The following TMEM132C variants were observed in gnomAD, a reference collection of about 807,000 sequenced individuals.
The protein encoded by TMEM132C is protein phosphatase 1, regulatory subunit 152.
A neutral mutation model predicts 61.4 loss-of-function variants in TMEM132C; 29 were observed. The observed-to-expected ratio is 0.47, with a 90% CI of 0.35 to 0.64. The LOEUF (loss-of-function observed/expected upper bound fraction) is 0.64, where lower values mean the gene tolerates loss of function less well. TMEM132C is among the 30% of genes least tolerant of loss of function. TMEM132C has a pLI of 0.00. For missense variants in TMEM132C, 1,408 were observed against 1,476.9 expected (o/e 0.95, Z 0.76); for synonymous variants, 656 against 633.1 (o/e 1.04, Z -0.54).
intron 1 of TMEM132C, among the ~76,000 whole-genome samples, chr12:128,403,204 GAATGTTAATA>G (rs1182883980): frequency 2.0e-5 from 3 of 152,184 alleles, no homozygotes. Context: ...TGTGTCTGGG[GAATGTTAATA>G]AATCACCAAT....
intron 3 of TMEM132C, among the ~76,000 whole-genome samples, chr12:128,605,899 T>C (rs1015006401): frequency 6.6e-6 from 1 of 152,242 alleles, no homozygotes; most frequent in Non-Finnish European, 1.5e-5. Flanking sequence ...CCATGCACCC[T>C]AGTTCCTTCT....
At chr12:128,634,373 C>A (rs1954085201) in intron 4 of TMEM132C, among the ~76,000 whole-genome samples, 1 of 152,232 alleles carries the variant, frequency 6.6e-6, no homozygotes, top group Non-Finnish European at 1.5e-5. Flanking sequence ...CTGTGCCCAG[C>A]CAACATGTCT....
chr12:128,659,718 T>A (rs370029087), intron 4 of TMEM132C, among the ~76,000 whole-genome samples: 39 of 152,286 alleles, frequency 2.6e-4, no homozygotes, highest in African/African-American at 8.9e-4. Flanking sequence ...CTTGGATAGA[T>A]GATTGAAGAC....
At chr12:128,280,705 G>C (rs1201873198) in intron 1 of TMEM132C, among the ~76,000 whole-genome samples, 1 of 152,096 alleles carries the variant, frequency 6.6e-6, no homozygotes, top group African/African-American at 2.4e-5. Context: ...TATACTGTTG[G>C]CTTCCTTATT....
At chr12:128,499,017 A>C (rs542610876) in intron 2 of TMEM132C, among the ~76,000 whole-genome samples, 64 of 152,292 alleles carry the variant, frequency 4.2e-4, no homozygotes, top group Non-Finnish European at 8.2e-4. Flanking sequence ...TTTTACTGAA[A>C]TTGTCAAACT....
At chr12:128,318,186 G>A (rs1329930890) in intron 1 of TMEM132C, among the ~76,000 whole-genome samples, 1 of 152,168 alleles carries the variant, frequency 6.6e-6, no homozygotes, top group Admixed American at 6.5e-5. Flanking sequence ...TACTGAACTT[G>A]ACTTGTGTTT....
chr12:128,682,141 G>A (rs1204963360), intron 5 of TMEM132C, among the ~76,000 whole-genome samples: 2 of 152,178 alleles, frequency 1.3e-5, no homozygotes, highest in Non-Finnish European at 2.9e-5. Flanking sequence ...ATTGGCTTAG[G>A]CCATCGTCAC....
Position 128,329,542 on chromosome 12 carries a change from G to A in TMEM132C, c.85+62055G>A, listed in dbSNP as rs142627980. On this transcript the variant is annotated intron_variant, in intron 1 of 8. Coordinates refer to ENST00000435159, the MANE Select transcript of TMEM132C (RefSeq NM_001136103.3). ...TGTTTTCCCAGCCCAGGATCTACTGGGGGGCAGAGTCCCACTGTTCTTTTT... is the reference window on the plus strand; with the variant it reads ...TGTTTTCCCAGCCCAGGATCTACTGAGGGGCAGAGTCCCACTGTTCTTTTT... Among the ~76,000 whole-genome samples the A allele has an allele frequency of 1.5e-3, 223 of 152,274 alleles. 4 individuals are homozygous for A. In the East Asian group the frequency reaches 0.035, roughly 24 times the overall value.
intron 1 of TMEM132C, among the ~76,000 whole-genome samples, chr12:128,289,364 A>C (rs1366580831): frequency 6.6e-6 from 1 of 152,250 alleles, no homozygotes; most frequent in Non-Finnish European, 1.5e-5. Context: ...AAGGGAATCT[A>C]AATCCAGATT....
At chr12:128,603,939 G>C (rs182550876) in intron 3 of TMEM132C, among the ~76,000 whole-genome samples, 1 of 152,204 alleles carries the variant, frequency 6.6e-6, no homozygotes, top group African/African-American at 2.4e-5. Context: ...CCCACTTGTG[G>C]TTGGGCCAGA....
chr12:128,340,285 G>A (rs775883542), intron 1 of TMEM132C, among the ~76,000 whole-genome samples: 6 of 152,004 alleles, frequency 3.9e-5, no homozygotes, highest in Non-Finnish European at 7.4e-5. Context: ...ATATCTCTAG[G>A]TTCAAAAAGT....
chr12:128,273,254 A>AT (rs1395663393), intron 1 of TMEM132C, among the ~76,000 whole-genome samples: 1 of 151,874 alleles, frequency 6.6e-6, no homozygotes, highest in African/African-American at 2.4e-5. Flanking sequence ...CATACTTAGG[A>AT]TTTTTTTGTT....
At chr12:128,517,009 G>T (rs1872738862) in intron 2 of TMEM132C, among the ~76,000 whole-genome samples, 1 of 150,306 alleles carries the variant, frequency 6.7e-6, no homozygotes, top group Non-Finnish European at 1.5e-5. Flanking sequence ...ATCACTTGAC[G>T]TCAGGAATTT....
At chr12:128,669,319 G>T (rs1954506878) in intron 4 of TMEM132C, 98 bp from the exon 5 acceptor site, 2 of 1,419,298 alleles carry the variant, frequency 1.4e-6, no homozygotes, top group South Asian at 2.9e-5. Context: ...AACAAGGACA[G>T]CCTGGTGTTT....
chr12:128,427,428 G>GTGTGTATA (rs1359402190), intron 2 of TMEM132C, among the ~76,000 whole-genome samples: 36 of 129,270 alleles, frequency 2.8e-4, no homozygotes, highest in South Asian at 5.8e-4. Context: ...GTGTGTGTGT[G>GTGTGTATA]TATATATATT....
At chr12:128,295,663 A>T (rs1465945607) in intron 1 of TMEM132C, among the ~76,000 whole-genome samples, 1 of 151,102 alleles carries the variant, frequency 6.6e-6, no homozygotes, top group African/African-American at 2.4e-5. Context: ...AAAGAAAGAA[A>T]AAAGGGTGGG....
At chr12:128,685,800 C>T (rs777478005) in intron 5 of TMEM132C, among the ~76,000 whole-genome samples, 3 of 152,212 alleles carry the variant, frequency 2.0e-5, no homozygotes, top group South Asian at 4.1e-4. Context: ...TGTGTGATCA[C>T]GGGCAAGGTA....
At chr12:128,554,724 A>G (rs1874278003) in intron 3 of TMEM132C, among the ~76,000 whole-genome samples, 2 of 152,122 alleles carry the variant, frequency 1.3e-5, no homozygotes. Context: ...GCTGCCCCTC[A>G]TTTTCACCAC....
chr12:128,518,499 C>T (rs1244840235), intron 2 of TMEM132C, among the ~76,000 whole-genome samples: 2 of 152,188 alleles, frequency 1.3e-5, no homozygotes, highest in South Asian at 2.1e-4. Context: ...GACAACAGAA[C>T]GGGACCTGAT....
Sources: gnomAD v4.1 joint callset for allele counts (sites outside exome capture counted in the v4.1 genomes callset) on GRCh38, gnomAD v4.1.1 for gene constraint, MANE v1.5 for transcripts, NCBI Gene and HGNC (gene_info 2026-07-23, HGNC 2026-07-21) for gene names.